Variants in MTRF1 observed in about 807,000 individuals in gnomAD.
MTRF1 encodes the protein mitochondrial translation release factor 1, also known as peptide chain release factor 1, mitochondrial.
A neutral mutation model predicts 62.9 loss-of-function variants in MTRF1; 51 were observed. The ratio of observed to expected loss-of-function variants is 0.81; its 90% CI spans 0.65 to 1.02. The LOEUF is 1.02. MTRF1 is among the 50% of genes least tolerant of loss of function. The pLI is 0.00. For synonymous variants in MTRF1, 158 were observed against 181.9 expected (o/e 0.87, Z 1.06); for missense variants, 446 against 530.0 (o/e 0.84, Z 1.56).
the MTRF1 span, among the ~76,000 whole-genome samples, chr13:41,284,779 G>A: frequency 3.3e-5 from 5 of 152,014 alleles, no homozygotes; most frequent in South Asian, 2.1e-4. Flanking sequence ...TCAGCCTCCC[G>A]AGTAGCTGGG....
intron 5 of MTRF1, among the ~76,000 whole-genome samples, chr13:41,246,734 T>A (rs993171073): frequency 1.3e-5 from 2 of 152,202 alleles, no homozygotes; most frequent in Non-Finnish European, 2.9e-5. Context: ...GCCACAAATT[T>A]AAATTCCCCA....
At chr13:41,264,932 A>G (rs997779197), upstream of MTRF1, among the ~76,000 whole-genome samples, 2 of 152,224 alleles carry the variant, frequency 1.3e-5, no homozygotes, top group African/African-American at 4.8e-5. Context: ...TATTCTAGTC[A>G]TGAGGATTTA....
chr13:41,247,610 C>G (rs1231192921), intron 5 of MTRF1, among the ~76,000 whole-genome samples: 1 of 152,116 alleles, frequency 6.6e-6, no homozygotes, highest in African/African-American at 2.4e-5. Context: ...TTTTCAGGTC[C>G]TTGGTGGTAG....
At chr13:41,272,791 G>A in the MTRF1 span, among the ~76,000 whole-genome samples, 75 of 152,124 alleles carry the variant, frequency 4.9e-4, no homozygotes, top group African/African-American at 1.8e-3. Flanking sequence ...ACCTTCCATC[G>A]TCATGGAAGC....
At position 41,216,369 on chromosome 13, in the gene MTRF1, T is replaced by C. The variant is rs1168955776; in HGVS notation, c.*746A>G. ...AAAGAAATAGAAGTCAAACAAAGAGTCTATTTAAAATATCAGCTTATTGTT... is the reference window on the plus strand; with the variant it reads ...AAAGAAATAGAAGTCAAACAAAGAGCCTATTTAAAATATCAGCTTATTGTT... On this transcript the variant is annotated 3_prime_UTR_variant, in exon 10 of 10. Transcript: ENST00000379480. 7.1e-6 allele frequency: 1 copy of C among 141,632 alleles called. No individual in the cohort carries two copies. Among genetic ancestry groups the C allele is most frequent in the Non-Finnish European group, 1.5e-5 (1 of 64,742 alleles). 8.8% of individuals were successfully genotyped at this position (141,632 alleles called of 1,614,324 possible).
At chr13:41,218,310 T>G (rs1373682444) in intron 9 of MTRF1, among the ~76,000 whole-genome samples, 1 of 124,896 alleles carries the variant, frequency 8.0e-6, no homozygotes, top group Non-Finnish European at 1.7e-5. Context: ...TTTTTTTTTT[T>G]GTAGAGATAG....
chr13:41,235,814 C>G (rs114886277), intron 6 of MTRF1: 1 of 161,474 alleles, frequency 6.2e-6, no homozygotes, highest in Non-Finnish European at 1.3e-5. Context: ...GTTACAGCAG[C>G]CTTTGGAAAC....
chr13:41,292,280 G>C, the MTRF1 span, among the ~76,000 whole-genome samples: 1 of 152,058 alleles, frequency 6.6e-6, no homozygotes, highest in Non-Finnish European at 1.5e-5. Flanking sequence ...TAGCCAAAAT[G>C]TAAACATTAA....
the MTRF1 span, chr13:41,288,302 C>T: frequency 6.8e-6 from 2 of 293,754 alleles, no homozygotes; most frequent in African/African-American, 2.3e-5. Context: ...CCAACCACCA[C>T]ACACTTGATG....
chr13:41,274,802 A>T, the MTRF1 span, among the ~76,000 whole-genome samples: 1 of 151,860 alleles, frequency 6.6e-6, no homozygotes, highest in Admixed American at 6.6e-5. Context: ...CACCCGGCTA[A>T]TTTTTGTATT....
intron 1 of MTRF1, chr13:41,262,262 C>T (rs1275249827): frequency 6.6e-6 from 1 of 150,816 alleles, no homozygotes; most frequent in Non-Finnish European, 1.5e-5. Flanking sequence ...ATCGCTTGAA[C>T]CTGGGAGGCG....
At chr13:41,223,482 C>G in intron 8 of MTRF1, 128 bp from the exon 9 acceptor site, 1 of 699,634 alleles carries the variant, frequency 1.4e-6, no homozygotes, top group Non-Finnish European at 2.4e-6. Context: ...TACAAAATGA[C>G]AAAGAAAAAG....
At chr13:41,265,314 C>T (rs1444333271), upstream of MTRF1, among the ~76,000 whole-genome samples, 2 of 151,280 alleles carry the variant, frequency 1.3e-5, no homozygotes, top group East Asian at 1.9e-4. Context: ...CCTAGCTACT[C>T]GGAGGCTGAG....
At position 41,216,506 on chromosome 13, in the gene MTRF1, C is replaced by CT; in HGVS notation, c.*608dup. On this transcript the variant is annotated 3_prime_UTR_variant, in exon 10 of 10. Transcript: ENST00000379480. ...ATAATTTTTATTTAAAAGTTGCAGT[C>CT]TAAGTCTTAACTTTAACATGATTAA... 1 of 152,120 alleles carries CT rather than the reference C, an allele frequency of 6.6e-6. No homozygotes were observed. Among genetic ancestry groups the CT allele is most frequent in the Non-Finnish European group, 1.5e-5 (1 of 68,004 alleles). 9.4% of individuals were successfully genotyped at this position (152,120 alleles called of 1,614,324 possible). A position where few individuals can be genotyped will look rare whatever the true frequency, so the allele number is the denominator to read the frequency against.
the MTRF1 span, among the ~76,000 whole-genome samples, chr13:41,304,520 C>T: frequency 6.6e-6 from 1 of 152,154 alleles, no homozygotes; most frequent in Non-Finnish European, 1.5e-5. Flanking sequence ...CAAAAATTCT[C>T]TGAAAAGGAA....
At chr13:41,260,978 C>T in intron 1 of MTRF1, 63 bp from the exon 2 acceptor site, 2 of 1,387,434 alleles carry the variant, frequency 1.4e-6, no homozygotes, top group Admixed American at 2.4e-5. Flanking sequence ...GCATAATAAA[C>T]CTGGAAGGAA....
chr13:41,274,890 G>A, the MTRF1 span, among the ~76,000 whole-genome samples: 2 of 151,982 alleles, frequency 1.3e-5, no homozygotes, highest in African/African-American at 4.8e-5. Flanking sequence ...TGGGATTACA[G>A]ACATGAGCCT....
At chr13:41,306,876 A>C in the MTRF1 span, among the ~76,000 whole-genome samples, 20 of 152,184 alleles carry the variant, frequency 1.3e-4, no homozygotes, top group Non-Finnish European at 4.4e-5. Flanking sequence ...GTTTTTTATC[A>C]CAGGCTTTGA....
intron 2 of MTRF1, 35 bp downstream of exon 2, chr13:41,260,458 C>T: frequency 1.3e-6 from 2 of 1,542,580 alleles, no homozygotes; most frequent in Admixed American, 1.9e-5. Flanking sequence ...TTTTTCATAG[C>T]CCTTATGCAG....
Sources: allele counts gnomAD v4.1 joint callset (sites outside exome capture counted in the v4.1 genomes callset), GRCh38; gene constraint gnomAD v4.1.1; transcripts MANE v1.5; gene names NCBI Gene and HGNC (gene_info 2026-07-23, HGNC 2026-07-21).